The following SLC45A2 variants were observed in gnomAD, a reference collection of about 807,000 sequenced individuals.
The protein encoded by SLC45A2 is solute carrier family 45 member 2, also known as membrane-associated transporter protein.
A neutral mutation model predicts 45.5 loss-of-function variants in SLC45A2; 36 were observed. The ratio of observed to expected loss-of-function variants is 0.79; its 90% CI spans 0.61 to 1.04. The LOEUF (loss-of-function observed/expected upper bound fraction) is 1.04, where lower values mean the gene tolerates loss of function less well. SLC45A2 is among the 50% of genes least tolerant of loss of function. SLC45A2 has a pLI of 0.00. For synonymous variants in SLC45A2, 306 were observed against 269.3 expected, an observed-to-expected ratio of 1.14 and a Z score of -1.33; for missense variants, 719 against 671.0, an observed-to-expected ratio of 1.07 and a Z score of -0.79.
intron 3 of SLC45A2, among the ~76,000 whole-genome samples, chr5:33,959,382 G>A (rs1752376370): frequency 6.6e-6 from 1 of 152,166 alleles, no homozygotes; most frequent in South Asian, 2.1e-4. Flanking sequence ...AGTCCAACTA[G>A]TAATCTTAGA....
Position 33,951,676 on chromosome 5 carries a change from A to G in SLC45A2, c.1034T>C (p.Ile345Thr). 4 of 1,614,200 alleles carry G rather than the reference A, an allele frequency of 2.5e-6. No homozygotes were observed. The South Asian group carries it at 3.3e-5, about 13-fold the overall frequency. The change falls in exon 5 of 7, where the codon ATT becomes ACT. Residue 345 changes from isoleucine to threonine, a missense_variant and splice_region_variant. By Grantham distance (89) the Ile-to-Thr change is moderately conservative. Transcript: ENST00000296589. ...MLFFTDFMGQ[I>T]VYRGDPYSAH... Reference sequence around the variant, plus strand: ...ACTATAGGGATCCCCGCGGTACACAATCTGAAAGAGAGATTGGAGGCTGTT... The same window carrying G: ...ACTATAGGGATCCCCGCGGTACACAGTCTGAAAGAGAGATTGGAGGCTGTT...
chr5:33,964,709 T>C (rs1752554109), intron 2 of SLC45A2, among the ~76,000 whole-genome samples: 1 of 152,200 alleles, frequency 6.6e-6, no homozygotes, highest in Admixed American at 6.5e-5. Flanking sequence ...TTCTCAGGCT[T>C]AAACATTGTG....
intron 4 of SLC45A2, 63 bp from the exon 5 acceptor site, chr5:33,951,740 A>G (rs1056955679): frequency 1.2e-6 from 2 of 1,605,402 alleles, no homozygotes; most frequent in African/African-American, 1.3e-5. Flanking sequence ...CTTCTCATGC[A>G]CTCTGCTTCT....
intron 6 of SLC45A2, 77 bp downstream of exon 6, chr5:33,947,086 C>G: frequency 2.5e-6 from 4 of 1,613,892 alleles, no homozygotes; most frequent in Admixed American, 1.7e-5. Context: ...CTCTGCTCTA[C>G]ACATTGCTAC....
At chr5:33,974,735 GA>G (rs1374927585) in intron 2 of SLC45A2, among the ~76,000 whole-genome samples, 1 of 152,114 alleles carries the variant, frequency 6.6e-6, no homozygotes, top group Non-Finnish European at 1.5e-5. Flanking sequence ...ACCACAGTGG[GA>G]TCACATATCC....
rs779436059 is a variant in SLC45A2, at chr5:33,984,283, G to T, written c.301C>A (p.Arg101Ser). 6.2e-7 allele frequency: 1 copy of T among 1,614,176 alleles called. No individual in the cohort carries two copies. The highest frequency in any genetic ancestry group is 8.5e-7 in the Non-Finnish European group (1 of 1,180,042). Residue 101 changes from arginine to serine, a missense_variant, in exon 1 of 7, where the codon CGC becomes AGC. Arg to Ser is a moderately radical substitution (Grantham distance 110, BLOSUM62 -1). Coordinates refer to ENST00000296589, the MANE Select transcript of SLC45A2 (RefSeq NM_016180.5). ...ASDHCRSRWG[R>S]RRPYILTLGV... is the part of the protein sequence containing the mutation. ...AGGGTGAGGATGTAGGGTCTCCGGC[G>T]GCCCCACCTGGACCGGCAGTGGTCG...
intron 3 of SLC45A2, among the ~76,000 whole-genome samples, chr5:33,960,938 C>T (rs1419888434): frequency 6.6e-6 from 1 of 152,160 alleles, no homozygotes; most frequent in Non-Finnish European, 1.5e-5. Context: ...ACTCTCTCTA[C>T]TATCTGCAAC....
intron 3 of SLC45A2, among the ~76,000 whole-genome samples, chr5:33,957,511 A>C (rs1353357139): frequency 6.6e-6 from 1 of 152,212 alleles, no homozygotes; most frequent in African/African-American, 2.4e-5. Flanking sequence ...TCTGATAATC[A>C]GTGTTAAACA....
chr5:33,952,084 G>C (rs1008919602), intron 4 of SLC45A2, among the ~76,000 whole-genome samples: 2 of 151,954 alleles, frequency 1.3e-5, no homozygotes, highest in Non-Finnish European at 2.9e-5. Flanking sequence ...CACCCTTCAA[G>C]GCCCAGACCA....
At chr5:33,964,253 G>T (rs1486483888) in intron 2 of SLC45A2, among the ~76,000 whole-genome samples, 2 of 152,136 alleles carry the variant, frequency 1.3e-5, no homozygotes, top group Non-Finnish European at 2.9e-5. Flanking sequence ...AGAATATGGA[G>T]GTAATAGTAA....
Position 33,984,422 on chromosome 5 carries a change from C to T in SLC45A2, c.162G>A (p.Ala54=), listed in dbSNP as rs202111567. 7 of 1,613,452 alleles carry T rather than the reference C, an allele frequency of 4.3e-6. No individual in the cohort carries two copies. Among genetic ancestry groups the T allele is most frequent in the Non-Finnish European group, 5.1e-6 (6 of 1,179,738 alleles). Residue 54 remains alanine, a synonymous_variant, in exon 1 of 7, where the codon GCG becomes GCA. Coordinates refer to ENST00000296589, the MANE Select transcript of SLC45A2 (RefSeq NM_016180.5). ...CGCTGAGCAGGACTGGGGTCACATA[C>T]GCTGCCTCCACCGCGTAGCAGAACT... ...GREFCYAVEA[A]YVTPVLLSVG...
intron 6 of SLC45A2, chr5:33,946,586 C>A: frequency 9.1e-6 from 9 of 993,670 alleles, no homozygotes; most frequent in Non-Finnish European, 1.1e-5. Context: ...TTAAATGGCA[C>A]AGGTCCCGCT....
intron 2 of SLC45A2, among the ~76,000 whole-genome samples, chr5:33,976,306 C>T (rs372071174): frequency 1.6e-3 from 242 of 152,336 alleles, no homozygotes; most frequent in African/African-American, 5.6e-3. Context: ...CTCTCATTCA[C>T]ACATCCCTTA....
At chr5:33,952,009 C>T (rs1752117803) in intron 4 of SLC45A2, among the ~76,000 whole-genome samples, 1 of 152,180 alleles carries the variant, frequency 6.6e-6, no homozygotes, top group Non-Finnish European at 1.5e-5. Flanking sequence ...CTCATCTCCA[C>T]ATGGGCCATT....
chr5:33,977,079 C>T (rs1390887188), intron 2 of SLC45A2, among the ~76,000 whole-genome samples: 1 of 152,162 alleles, frequency 6.6e-6, no homozygotes, highest in African/African-American at 2.4e-5. Context: ...TCCAATAGGA[C>T]TGGTGTTCAT....
At chr5:33,961,126 A>G (rs1752442578) in intron 3 of SLC45A2, among the ~76,000 whole-genome samples, 1 of 152,176 alleles carries the variant, frequency 6.6e-6, no homozygotes, top group Non-Finnish European at 1.5e-5. Context: ...AAGAATGCAC[A>G]AGTGAATGAA....
At chr5:33,956,030 A>C (rs1243168540) in intron 3 of SLC45A2, among the ~76,000 whole-genome samples, 1 of 60,930 alleles carries the variant, frequency 1.6e-5, no homozygotes, top group Admixed American at 1.1e-4. Flanking sequence ...TTAAGGATGA[A>C]GTCCTCAGGG....
intron 2 of SLC45A2, among the ~76,000 whole-genome samples, chr5:33,973,181 G>A (rs980030714): frequency 1.8e-4 from 28 of 152,292 alleles, no homozygotes; most frequent in Middle Eastern, 3.4e-3. Context: ...AGGAAACAGG[G>A]AGGACAAAGT....
intron 3 of SLC45A2, among the ~76,000 whole-genome samples, chr5:33,955,637 G>A (rs981912891): frequency 6.6e-6 from 1 of 151,548 alleles, no homozygotes; most frequent in Non-Finnish European, 1.5e-5. Context: ...AAATATATAT[G>A]TTTATACACA....
Sources: allele counts gnomAD v4.1 joint callset (sites outside exome capture counted in the v4.1 genomes callset), GRCh38; gene constraint gnomAD v4.1.1; transcripts MANE v1.5; gene names NCBI Gene and HGNC (gene_info 2026-07-23, HGNC 2026-07-21).